GON4L: variants seen among roughly 807,000 people sequenced by gnomAD.
The protein encoded by GON4L is GON-4-like protein.
A neutral mutation model predicts 211.8 loss-of-function variants in GON4L; 87 were observed. That is an observed-to-expected ratio of 0.41 (90% confidence interval 0.35 to 0.49). The LOEUF (loss-of-function observed/expected upper bound fraction) is 0.49. Ranked by LOEUF, GON4L falls within the 20% of genes least tolerant of loss-of-function variation. GON4L has a pLI of 0.15. For missense variants in GON4L, 2,155 were observed against 2,659.5 expected, an observed-to-expected ratio of 0.81 and a Z score of 4.17; for synonymous variants, 875 against 962.6, an observed-to-expected ratio of 0.91 and a Z score of 1.68.
intron 2 of GON4L, among the ~76,000 whole-genome samples, chr1:155,843,847 C>T (rs971209111): frequency 3.3e-5 from 5 of 152,090 alleles, no homozygotes; most frequent in South Asian, 4.1e-4. Flanking sequence ...AAAAAATGGA[C>T]GGCATAACTT....
intron 3 of GON4L, among the ~76,000 whole-genome samples, chr1:155,822,832 G>A (rs1668854713): frequency 6.6e-6 from 1 of 152,158 alleles, no homozygotes; most frequent in South Asian, 2.1e-4. Context: ...TTCGCTCTTT[G>A]TTGCCCAGGC....
chr1:155,800,891 C>G (rs1045328518), intron 11 of GON4L, among the ~76,000 whole-genome samples: 7 of 149,218 alleles, frequency 4.7e-5, no homozygotes, highest in Admixed American at 2.7e-4. Context: ...TACCGTGAAA[C>G]CTGTCTGATT....
intron 25 of GON4L, 105 bp from the exon 26 acceptor site, chr1:155,757,428 G>T: frequency 1.0e-6 from 1 of 999,252 alleles, no homozygotes; most frequent in Non-Finnish European, 1.5e-6. Flanking sequence ...CAGTCAACTG[G>T]GAAACACACA....
chr1:155,799,815 C>T (rs912120638), intron 11 of GON4L, among the ~76,000 whole-genome samples: 1 of 152,160 alleles, frequency 6.6e-6, no homozygotes, highest in African/African-American at 2.4e-5. Flanking sequence ...TGAAAATGAG[C>T]ACCAAAGCTG....
At chr1:155,774,675 T>A in intron 17 of GON4L, 1 of 413,364 alleles carries the variant, frequency 2.4e-6, no homozygotes, top group Non-Finnish European at 4.5e-6. Flanking sequence ...CTTTCATCTT[T>A]ACCAGGCCCC....
upstream of GON4L, among the ~76,000 whole-genome samples, chr1:155,857,486 T>C (rs1301495236): frequency 6.6e-6 from 1 of 152,228 alleles, no homozygotes; most frequent in African/African-American, 2.4e-5. Flanking sequence ...TCCCGGCACC[T>C]TGGGAGACGG....
chr1:155,830,815 T>G (rs1669692697), intron 2 of GON4L, among the ~76,000 whole-genome samples: 2 of 152,056 alleles, frequency 1.3e-5, no homozygotes, highest in African/African-American at 4.8e-5. Context: ...CTTGAACTCC[T>G]GGCCTTAAGC....
chr1:155,785,819 G>A lies in GON4L; in HGVS notation c.1748-445C>T, dbSNP rs562752085. ...TTATTCAAAAACATTTATTGAGGCC[G>A]GGAGCGGTGGCTCATGCCTGTAATC... is the stretch of plus-strand genomic sequence containing the variant. On this transcript the variant is annotated intron_variant, in intron 12 of 31. Coordinates refer to ENST00000368331, the MANE Select transcript of GON4L (RefSeq NM_001282860.2). 1.3e-3 allele frequency among the ~76,000 whole-genome samples: 198 copies of A among 152,272 alleles called. 1 individual carries two copies. Among genetic ancestry groups the A allele is most frequent in the African/African-American group, 4.6e-3 (191 of 41,568 alleles).
At chr1:155,748,608 G>C, downstream of GON4L, 1 of 1,613,352 alleles carries the variant, frequency 6.2e-7, no homozygotes, top group East Asian at 2.2e-5. Context: ...TCTTTAAGTG[G>C]TGACAGCAGG....
At chr1:155,761,905 C>T (rs1441902638) in intron 23 of GON4L, among the ~76,000 whole-genome samples, 1 of 152,184 alleles carries the variant, frequency 6.6e-6, no homozygotes, top group Non-Finnish European at 1.5e-5. Context: ...TCAGCGCACC[C>T]AGTAAAGTCA....
In GON4L at chr1:155,813,678, C is replaced by T. The variant is rs1557890461; in HGVS notation, c.1408G>A (p.Asp470Asn). The T allele has an allele frequency of 6.2e-7, 1 of 1,613,662 alleles. No homozygotes were observed. Among genetic ancestry groups the T allele is most frequent in the South Asian group, 1.1e-5 (1 of 91,082 alleles). ...STFMEKLHAV[D>N]EELASSPVCM... ...ACTGGACTGGAAGCCAGCTCCTCAT[C>T]TACCGCATGTAACTTCTCCATGAAA... is the stretch of plus-strand genomic sequence containing the variant. Residue 470 changes from aspartate to asparagine, a missense_variant, in exon 10 of 32, where the codon GAT (aspartate) becomes AAT (asparagine). By Grantham distance (23) the Asp-to-Asn change is conservative. Coordinates refer to ENST00000368331, the MANE Select transcript of GON4L (RefSeq NM_001282860.2).
intron 2 of GON4L, chr1:155,831,414 C>A (rs149071972): frequency 6.6e-6 from 1 of 151,864 alleles, no homozygotes. Context: ...TGTGCTACTG[C>A]ACTCTAGCGT....
chr1:155,809,200 G>C (rs1374211274), intron 10 of GON4L, among the ~76,000 whole-genome samples: 1 of 152,046 alleles, frequency 6.6e-6, no homozygotes, highest in East Asian at 1.9e-4. Context: ...AGCCAAGGAG[G>C]TCTTTTTTGA....
intron 2 of GON4L, among the ~76,000 whole-genome samples, chr1:155,848,992 C>T (rs958402609): frequency 6.6e-6 from 1 of 151,206 alleles, no homozygotes; most frequent in South Asian, 2.1e-4. Flanking sequence ...TACTAAGATA[C>T]AAAAAATTAG....
chr1:155,767,060 CA>C, intron 20 of GON4L: 4 of 581,674 alleles, frequency 6.9e-6, no homozygotes, highest in Non-Finnish European at 8.9e-6. Context: ...AAAACAACAA[CA>C]AAAAAAGAAT....
At position 155,765,414 on chromosome 1, in the gene GON4L, A is replaced by G; in HGVS notation, c.4059T>C (p.Ala1353=). ...TTGGGGCACCAGTGTCCAATTCCAC[A>G]GCATGTTCCACTTTGATGTCATCAC... ...DICDDIKVEH[A]VELDTGAPSE... The change falls in exon 21 of 32, where the codon GCT becomes GCC. Residue 1353 remains alanine, a synonymous_variant. Coordinates refer to ENST00000368331, the MANE Select transcript of GON4L (RefSeq NM_001282860.2). The G allele has an allele frequency of 6.2e-7, 1 of 1,614,182 alleles. No individual in the cohort carries two copies. The highest frequency in any genetic ancestry group is 1.1e-5 in the South Asian group (1 of 91,088).
intron 2 of GON4L, among the ~76,000 whole-genome samples, chr1:155,851,890 C>T (rs1339901553): frequency 2.0e-5 from 3 of 151,930 alleles, no homozygotes; most frequent in African/African-American, 4.8e-5. Flanking sequence ...CTTGGCAGGG[C>T]GTGGTGGCTC....
intron 12 of GON4L, among the ~76,000 whole-genome samples, chr1:155,791,932 C>CATAACATAACATAAA (rs1665633314): frequency 7.5e-6 from 1 of 133,130 alleles, no homozygotes. Context: ...CATCACATAA[C>CATAACATAACATAAA]ATAACATAAC....
At position 155,777,966 on chromosome 1, in the gene GON4L, A is replaced by G. The variant is rs74439499; in HGVS notation, c.1893-146T>C. On this transcript the variant is annotated intron_variant, in intron 14 of 31. Coordinates refer to ENST00000368331, the MANE Select transcript of GON4L (RefSeq NM_001282860.2). ...CACTTTAGCCAACAGTCAAACTCTC[A>G]GCCTTTTACAAATCTTTTGCCAAAG... The G allele has an allele frequency of 2.4e-4, 169 of 698,490 alleles. 1 individual carries two copies. In the African/African-American group the frequency reaches 2.6e-3, roughly 11 times the overall value. 43.3% of individuals were successfully genotyped at this position (698,490 alleles called of 1,614,324 possible).
Sources: gnomAD v4.1 joint callset for allele counts (sites outside exome capture counted in the v4.1 genomes callset) on GRCh38, gnomAD v4.1.1 for gene constraint, MANE v1.5 for transcripts, NCBI Gene and HGNC (gene_info 2026-07-23, HGNC 2026-07-21) for gene names.